Variants in ARHGAP27 observed in about 807,000 individuals in gnomAD.
ARHGAP27 encodes the protein rho GTPase-activating protein 27.
In ARHGAP27, 53 loss-of-function variants were observed where a neutral mutation model predicts 102.0. That is an observed-to-expected ratio of 0.52 (90% CI 0.42 to 0.65). The LOEUF (loss-of-function observed/expected upper bound fraction) is 0.65, where lower values mean the gene tolerates loss of function less well. ARHGAP27 is among the 30% of genes least tolerant of loss of function. ARHGAP27 has a pLI of 0.00. For missense variants in ARHGAP27, 1,117 were observed against 1,256.2 expected, an observed-to-expected ratio of 0.89 and a Z score of 1.68; for synonymous variants, 525 against 542.8, an observed-to-expected ratio of 0.97 and a Z score of 0.46.
intron 2 of ARHGAP27, 139 bp downstream of exon 2, chr17:45,432,077 G>A: frequency 4.3e-6 from 1 of 232,282 alleles, no homozygotes. Context: ...GCGCGGCTCT[G>A]GGAATGCCGG....
intron 4 of ARHGAP27, among the ~76,000 whole-genome samples, chr17:45,425,017 C>A (rs552626855): frequency 1.2e-3 from 10 of 8,012 alleles, no homozygotes; most frequent in African/African-American, 4.7e-3. Context: ...CCAGGGGGTG[C>A]GGGGGGTGGG....
intron 4 of ARHGAP27, 99 bp downstream of exon 4, chr17:45,429,524 C>A: frequency 6.5e-7 from 1 of 1,534,922 alleles, no homozygotes; most frequent in South Asian, 1.2e-5. Flanking sequence ...GGCGTCGTGC[C>A]CGACGCTGAG....
At chr17:45,406,739 C>A (rs2047216417) in intron 4 of ARHGAP27, among the ~76,000 whole-genome samples, 1 of 152,106 alleles carries the variant, frequency 6.6e-6, no homozygotes, top group Non-Finnish European at 1.5e-5. Flanking sequence ...CTGCAACCAC[C>A]ACCTCCTGGA....
intron 4 of ARHGAP27, among the ~76,000 whole-genome samples, chr17:45,406,503 G>C (rs1160682708): frequency 6.6e-6 from 1 of 152,206 alleles, no homozygotes; most frequent in Non-Finnish European, 1.5e-5. Context: ...AGACGGGTGG[G>C]TCAATTACAT....
chr17:45,428,537 G>C (rs1437822930), intron 4 of ARHGAP27, among the ~76,000 whole-genome samples: 1 of 152,224 alleles, frequency 6.6e-6, no homozygotes, highest in Non-Finnish European at 1.5e-5. Flanking sequence ...TAACGAGTCG[G>C]GCGGAGGGAA....
rs762272999 is a variant in ARHGAP27, at chr17:45,405,886, G to A, written c.855C>T (p.Ala285=). 51 of 1,535,870 alleles carry A rather than the reference G, an allele frequency of 3.3e-5. No homozygotes were observed. In the South Asian group the frequency reaches 4.5e-4, roughly 14 times the overall value. ...AGGCAGGGGAGGTGGCTGGGCTGGC[G>A]GCACCCTCGGCAGCCTCAAAGGGCG... The part of the protein sequence containing the change: ...WESPFEAAEG[A]ASPATSPASV... Residue 285 remains alanine (A), a synonymous_variant, in exon 5 of 20, where the codon GCC becomes GCT. Transcript: ENST00000685559.
intron 3 of ARHGAP27, among the ~76,000 whole-genome samples, chr17:45,431,103 G>A (rs1019091450): frequency 6.6e-6 from 1 of 151,124 alleles, no homozygotes; most frequent in African/African-American, 2.4e-5. Context: ...CCTGCCCTGT[G>A]ACCCCTACAG....
At chr17:45,409,986 T>G (rs1597813714) in intron 4 of ARHGAP27, 2 of 504,476 alleles carry the variant, frequency 4.0e-6, no homozygotes, top group Non-Finnish European at 6.9e-6. Context: ...CCCCTGGTAC[T>G]GCCTTACAGT....
In ARHGAP27 at chr17:45,430,091, G is replaced by T. The variant is rs1597882618; in HGVS notation, c.189C>A (p.Tyr63Ter). The change falls in exon 4 of 20, where the codon TAC becomes TAA. Residue 63 changes from tyrosine (Y) to a stop codon, truncating the protein, a stop_gained. Coordinates refer to ENST00000685559, the MANE Select transcript of ARHGAP27 (RefSeq NM_001282290.2). LOFTEE classifies it high-confidence loss of function. This position sits in a 1 kb window ranked among gnomAD's most constrained non-coding sequence, Gnocchi z 4.4. ...TGCCCAGCGCGGGCAGCTCGCGCAC[G>T]TACTGCGCAGGCAGGTAGAAGGGGC... is the stretch of plus-strand genomic sequence containing the variant. Reference protein sequence around the residue: ...GGRPFYLPAQYVRELPALGNP... With the variant: ...GGRPFYLPAQ 3 of 1,488,790 alleles carry T rather than the reference G, an allele frequency of 2.0e-6. No homozygotes were observed. The highest frequency in any genetic ancestry group is 2.7e-6 in the Non-Finnish European group (3 of 1,128,664). 92.2% of individuals were successfully genotyped at this position (1,488,790 alleles called of 1,614,324 possible).
At chr17:45,397,351 A>G in intron 13 of ARHGAP27, 1 of 1,181,378 alleles carries the variant, frequency 8.5e-7, no homozygotes, top group Non-Finnish European at 1.1e-6. Context: ...GCATTCCTCA[A>G]TACGTGGCTC....
At chr17:45,410,209 C>G (rs2047743093) in intron 4 of ARHGAP27, 2 of 1,533,482 alleles carry the variant, frequency 1.3e-6, no homozygotes, top group Non-Finnish European at 1.7e-6. Context: ...CACCGGGCAC[C>G]CCTTGACCCC....
In ARHGAP27 at chr17:45,395,542, T is replaced by C. The variant is rs1376968671; in HGVS notation, c.2584A>G (p.Thr862Ala). The stretch of plus-strand genomic sequence containing the variant: ...AACACCATGGTCATGGGCATGCTGG[T>C]CTCTTCCACCTCGGGCCGCAGCAGC... ...PTLLRPEVEE[T>A]SMPMTMVFQN... The change falls in exon 20 of 20, where the codon ACC becomes GCC. Residue 862 changes from threonine to alanine, a missense_variant. Around this residue, in one of 3 missense-constraint regions of ARHGAP27, gnomAD observed 493 missense variants for 505.5 expected, o/e 0.98. Coordinates refer to ENST00000685559, the MANE Select transcript of ARHGAP27 (RefSeq NM_001282290.2). 6.2e-7 allele frequency: 1 copy of C among 1,603,452 alleles called. No homozygotes were observed. The highest frequency in any genetic ancestry group is 8.5e-7 in the Non-Finnish European group (1 of 1,175,324).
At position 45,430,368 on chromosome 17, in the gene ARHGAP27, C is replaced by T; in HGVS notation, c.-18-71G>A. The T allele has an allele frequency of 2.7e-6, 4 of 1,486,252 alleles. No homozygotes were observed. Among genetic ancestry groups the T allele is most frequent in the Admixed American group, 2.7e-5 (1 of 37,510 alleles). The allele number at this position is 1,486,252 out of a possible 1,614,324, so 92.1% of individuals were successfully genotyped here. ...CCTGGAATAGCCCCGCACTCGGGGA[C>T]AGACTTGGGTTCGAGTCCCGATCCT... On this transcript the variant is annotated intron_variant, in intron 3 of 19. Coordinates refer to ENST00000685559, the MANE Select transcript of ARHGAP27 (RefSeq NM_001282290.2). The surrounding 1 kb of genome is among the most constrained non-coding windows in gnomAD (Gnocchi z 4.4).
rs755192707 is a variant in ARHGAP27, at chr17:45,396,740, G to C, written c.2002C>G (p.Arg668Gly). 3.5e-5 allele frequency: 56 copies of C among 1,613,598 alleles called. No homozygotes were observed. Among genetic ancestry groups the C allele is most frequent in the Middle Eastern group, 1.6e-4 (1 of 6,082 alleles). The change falls in exon 15 of 20, where the codon CGG (arginine) becomes GGG (glycine). Residue 668 changes from arginine to glycine, a missense_variant. Arg to Gly is a moderately radical substitution (Grantham distance 125). Coordinates refer to ENST00000685559, the MANE Select transcript of ARHGAP27 (RefSeq NM_001282290.2). ...TGGAGGAACTTGCGGAGCTTGTGCC[G>C]GACCTTGCTCAAGTCGCTCTCCAGG... ...VGLESDLSKV[R>G]HKLRKFLQRR...
rs1386694606 is a variant in ARHGAP27 at position 45,394,174 on chromosome 17, G to C, written c.*1282C>G. The C allele has an allele frequency of 6.6e-6, 1 of 152,424 alleles. No individual in the cohort carries two copies. Among genetic ancestry groups the C allele is most frequent in the African/African-American group, 2.4e-5 (1 of 41,460 alleles). 9.4% of individuals were successfully genotyped at this position (152,424 alleles called of 1,614,324 possible). A position where few individuals can be genotyped will look rare whatever the true frequency, so the allele number is the denominator to read the frequency against. On this transcript the variant is annotated 3_prime_UTR_variant, in exon 20 of 20. Transcript: ENST00000685559. ...AGAAACAAATGGGATAATCCAAGCCGAATGCTTGGCATGGTGCAAATGTCC... is the reference window on the plus strand; with the variant it reads ...AGAAACAAATGGGATAATCCAAGCCCAATGCTTGGCATGGTGCAAATGTCC...
chr17:45,406,242 T>G (rs914483142), intron 4 of ARHGAP27, among the ~76,000 whole-genome samples, 159 bp from the exon 5 acceptor site: 2 of 152,224 alleles, frequency 1.3e-5, no homozygotes, highest in African/African-American at 4.8e-5. Context: ...CAAAGCATTT[T>G]AAAAATCACG....
At position 45,404,548 on chromosome 17, in the gene ARHGAP27, C is replaced by T. The variant is rs373204535; in HGVS notation, c.1330-20G>A. 58 of 1,613,440 alleles carry T rather than the reference C, an allele frequency of 3.6e-5. No homozygotes were observed. Among genetic ancestry groups the T allele is most frequent in the African/African-American group, 2.0e-4 (15 of 74,864 alleles). On this transcript the variant is annotated intron_variant, in intron 7 of 19. Coordinates refer to ENST00000685559, the MANE Select transcript of ARHGAP27 (RefSeq NM_001282290.2). ...AGGGACCTGGGGAGAAAGACACAGT[C>T]GTATATGATCTCTTCCTCTCTCCCC... is the stretch of plus-strand genomic sequence containing the variant.
In ARHGAP27 at chr17:45,405,925, A is replaced by T. The variant is rs1419009320; in HGVS notation, c.816T>A (p.Val272=). ...RPYYYNPDTG[V]TTWESPFEAA... is the part of the protein sequence containing the mutation. Reference sequence around the variant, plus strand: ...CCTCAAAGGGCGACTCCCAGGTGGTAACTCCCGTGTCTGGGTTGTAGTAGT... The same window carrying T: ...CCTCAAAGGGCGACTCCCAGGTGGTTACTCCCGTGTCTGGGTTGTAGTAGT... Residue 272 remains valine (V), a synonymous_variant, in exon 5 of 20, where the codon GTT becomes GTA. Coordinates refer to ENST00000685559, the MANE Select transcript of ARHGAP27 (RefSeq NM_001282290.2). 2.6e-6 allele frequency: 4 copies of T among 1,535,498 alleles called. No homozygotes were observed. The highest frequency in any genetic ancestry group is 3.5e-6 in the Non-Finnish European group (4 of 1,146,782).
intron 13 of ARHGAP27, 56 bp from the exon 14 acceptor site, chr17:45,397,080 A>G (rs1379773900): frequency 1.3e-6 from 2 of 1,589,830 alleles, no homozygotes; most frequent in Middle Eastern, 1.7e-4. Context: ...GGGTCCTTCC[A>G]GGATGGGGCA....
Sources: gnomAD v4.1 joint callset for allele counts (sites outside exome capture counted in the v4.1 genomes callset) on GRCh38, gnomAD v4.1.1 for gene constraint, gnomAD v4.1.1 regional missense constraint, Gnocchi (gnomAD v3.1) non-coding constraint, MANE v1.5 for transcripts, NCBI Gene and HGNC (gene_info 2026-07-23, HGNC 2026-07-21) for gene names.